IL17D: variants seen among roughly 807,000 people sequenced by gnomAD.
IL17D encodes interleukin-17D.
Under a neutral mutation model 5.7 loss-of-function variants are expected in IL17D, and 10 were observed. The observed-to-expected ratio is 1.75, with a 90% CI of 1.08 to 2.97. IL17D has a LOEUF of 2.97. Among genes scored for constraint, IL17D ranks in the 30% most tolerant of loss-of-function variants. IL17D has a pLI of 0.00. For synonymous variants in IL17D, 172 were observed against 141.7 expected (o/e 1.21, Z -1.52); for missense variants, 354 against 292.7 (o/e 1.21, Z -1.53).
upstream of IL17D, chr13:20,702,862 A>G (rs2058555836): frequency 6.6e-6 from 1 of 152,246 alleles, no homozygotes; most frequent in South Asian, 2.1e-4. Flanking sequence ...TTAAAAATAG[A>G]GATTTAAAAA....
chr13:20,707,832 G>T (rs2058602367), intron 1 of IL17D, among the ~76,000 whole-genome samples: 1 of 152,176 alleles, frequency 6.6e-6, no homozygotes, highest in South Asian at 2.1e-4. Flanking sequence ...GCCAGGGCTT[G>T]TTCCTTGGTG....
At chr13:20,720,723 A>G (rs535998284) in intron 1 of IL17D, among the ~76,000 whole-genome samples, 2 of 152,070 alleles carry the variant, frequency 1.3e-5, no homozygotes, top group African/African-American at 2.4e-5. Context: ...CCCCACATTC[A>G]AACAGTGGAC....
intron 1 of IL17D, among the ~76,000 whole-genome samples, chr13:20,721,173 C>T (rs919009142): frequency 2.6e-4 from 39 of 152,146 alleles, no homozygotes; most frequent in Non-Finnish European, 5.1e-4. Flanking sequence ...ACTGTCCGCC[C>T]CCAGCCCCTC....
At position 20,703,984 on chromosome 13, in the gene IL17D, C is replaced by T; in HGVS notation, c.-18C>T. The T allele has an allele frequency of 5.9e-6, 6 of 1,008,942 alleles. No individual in the cohort carries two copies. The highest frequency in any genetic ancestry group is 7.1e-6 in the Non-Finnish European group (6 of 847,212). 62.5% of individuals were successfully genotyped at this position (1,008,942 alleles called of 1,614,324 possible). ...CGGCGCGTGCGGACGCTGAGCGTGGCCTGTCCCTCAGGTCTGGATGCTGGT... is the reference window on the plus strand; with the variant it reads ...CGGCGCGTGCGGACGCTGAGCGTGGTCTGTCCCTCAGGTCTGGATGCTGGT... On this transcript the variant is annotated 5_prime_UTR_variant, in exon 1 of 2. Coordinates refer to ENST00000682841, the MANE Select transcript of IL17D (RefSeq NM_001385224.1).
Position 20,710,628 on chromosome 13 carries a change from TAAAAAAA to T in IL17D, c.290+6355_290+6361del, listed in dbSNP as rs11445353. 4.5e-4 allele frequency among the ~76,000 whole-genome samples: 25 copies of T among 55,292 alleles called. No homozygotes were observed. The East Asian group carries it at 0.014, about 30-fold the overall frequency. The allele number at this position is 55,292 out of a possible 152,430, so 36.3% of individuals were successfully genotyped here. A position where few individuals can be genotyped will look rare whatever the true frequency, so the allele number is the denominator to read the frequency against. ...TGGGCAACAAAAGCAAAACTCTGTC[TAAAAAAA>T]AAAAAAAAAAAAAAAAAGAAACCCC... On this transcript the variant is annotated intron_variant, in intron 1 of 1. Coordinates refer to ENST00000682841, the MANE Select transcript of IL17D (RefSeq NM_001385224.1).
chr13:20,720,257 C>A (rs1157073769), intron 1 of IL17D, among the ~76,000 whole-genome samples: 1 of 152,182 alleles, frequency 6.6e-6, no homozygotes, highest in Admixed American at 6.5e-5. Context: ...TATTTAACCA[C>A]CATCTATCGG....
Position 20,722,367 on chromosome 13 carries a change from T to G in IL17D, c.*413T>G. The G allele has an allele frequency of 5.8e-6, 1 of 170,948 alleles. No homozygotes were observed. The allele number at this position is 170,948 out of a possible 1,614,324, so 10.6% of individuals were successfully genotyped here. ...AGCAATCTAAAAATAATAATAAGTA[T>G]AGCGACTATATACCTACTTTTAAAA... On this transcript the variant is annotated 3_prime_UTR_variant, in exon 2 of 2. Transcript: ENST00000682841.
chr13:20,710,407 AG>A (rs1323084154), intron 1 of IL17D, among the ~76,000 whole-genome samples: 2 of 147,392 alleles, frequency 1.4e-5, no homozygotes, highest in Non-Finnish European at 3.0e-5. Context: ...TGAGGTCAGG[AG>A]TTCAAGACCA....
At chr13:20,719,907 C>T (rs918706288) in intron 1 of IL17D, among the ~76,000 whole-genome samples, 2 of 152,208 alleles carry the variant, frequency 1.3e-5, no homozygotes, top group South Asian at 4.1e-4. Context: ...CAGGTGTGGG[C>T]CCAGCCAGGA....
At chr13:20,718,372 TCA>T (rs2058695351) in intron 1 of IL17D, among the ~76,000 whole-genome samples, 1 of 151,660 alleles carries the variant, frequency 6.6e-6, no homozygotes, top group Non-Finnish European at 1.5e-5. Context: ...ATGCCCACGC[TCA>T]CACGCACCTG....
chr13:20,718,347 C>G (rs1198318753), intron 1 of IL17D, among the ~76,000 whole-genome samples: 1 of 152,132 alleles, frequency 6.6e-6, no homozygotes, highest in African/African-American at 2.4e-5. Context: ...TCCATGCTTA[C>G]ACACACGCCC....
intron 1 of IL17D, chr13:20,713,102 G>C (rs1296434761): frequency 6.6e-6 from 1 of 152,026 alleles, no homozygotes; most frequent in East Asian, 1.9e-4. Context: ...CCTTCACGGA[G>C]TCTCTGCACA....
Position 20,721,927 on chromosome 13 carries a change from C to T in IL17D, c.582C>T (p.Gly194=), listed in dbSNP as rs1377857044. The T allele has an allele frequency of 6.2e-7, 1 of 1,600,406 alleles. No homozygotes were observed. The highest frequency in any genetic ancestry group is 8.5e-7 in the Non-Finnish European group (1 of 1,176,134). Residue 194 remains glycine, a synonymous_variant, in exon 2 of 2, where the codon GGC becomes GGT. Coordinates refer to ENST00000682841, the MANE Select transcript of IL17D (RefSeq NM_001385224.1). ...AACAGGGCGCCAAGCTCCTGCTGGG[C>T]CCCAACGACGCGCCCGCTGGCCCCT... The part of the protein sequence containing the change: ...IDKQGAKLLL[G]PNDAPAGP
chr13:20,704,197 G>C lies in IL17D; in HGVS notation c.196G>C (p.Ala66Pro), dbSNP rs1013212105. 5.1e-6 allele frequency: 7 copies of C among 1,372,082 alleles called. No homozygotes were observed. In the African/African-American group the frequency reaches 1.1e-4, roughly 21 times the overall value. 85.0% of individuals were successfully genotyped at this position (1,372,082 alleles called of 1,614,324 possible). A position where few individuals can be genotyped will look rare whatever the true frequency, so the allele number is the denominator to read the frequency against. ...HTLQLGPREQ[A>P]RNASCPAGGR... is the part of the protein sequence containing the mutation. Reference sequence around the variant, plus strand: ...GCTGCAGCTGGGGCCGCGTGAGCAGGCGCGCAACGCGAGCTGCCCGGCAGG... The same window carrying C: ...GCTGCAGCTGGGGCCGCGTGAGCAGCCGCGCAACGCGAGCTGCCCGGCAGG... Residue 66 changes from alanine to proline, a missense_variant, in exon 1 of 2, where the codon GCG becomes CCG. Ala to Pro is a conservative substitution (Grantham distance 27). Transcript: ENST00000682841.
In IL17D at chr13:20,716,442, T is replaced by C. The variant is rs1191793341; in HGVS notation, c.291-5194T>C. 6.6e-6 allele frequency among the ~76,000 whole-genome samples: 1 copy of C among 152,236 alleles called. No individual in the cohort carries two copies. Among genetic ancestry groups the C allele is most frequent in the Non-Finnish European group, 1.5e-5 (1 of 68,052 alleles). ...ATTTTCCAAGACCTTAGAGACTCAA[T>C]GTATTGCCAGTGTCTTTTCTAAGCA... On this transcript the variant is annotated intron_variant, in intron 1 of 1. Transcript: ENST00000682841. This position sits in a 1 kb window ranked among gnomAD's most constrained non-coding sequence, Gnocchi z 4.2.
chr13:20,721,166 G>C (rs1016843782), intron 1 of IL17D, among the ~76,000 whole-genome samples: 2 of 152,024 alleles, frequency 1.3e-5, no homozygotes, highest in Non-Finnish European at 2.9e-5. Context: ...AGTCAGCACT[G>C]TCCGCCCCCA....
intron 1 of IL17D, among the ~76,000 whole-genome samples, chr13:20,710,502 G>T (rs1367357735): frequency 6.8e-6 from 1 of 148,046 alleles, no homozygotes; most frequent in Non-Finnish European, 1.5e-5. Context: ...GGTGGCACAT[G>T]CCTGTAATCC....
upstream of IL17D, chr13:20,703,310 T>C (rs951334709): frequency 5.1e-6 from 5 of 986,518 alleles, no homozygotes; most frequent in East Asian, 1.1e-4. Flanking sequence ...GAGAAGATGT[T>C]GGGGGCACTG....
intron 1 of IL17D, among the ~76,000 whole-genome samples, chr13:20,707,310 C>A (rs962058157): frequency 6.6e-6 from 1 of 151,784 alleles, no homozygotes; most frequent in African/African-American, 2.4e-5. Context: ...ACAAAAAAAA[C>A]AGCCAGGTGT....
Sources: allele counts gnomAD v4.1 joint callset (sites outside exome capture counted in the v4.1 genomes callset), GRCh38; gene constraint gnomAD v4.1.1; non-coding constraint Gnocchi (gnomAD v3.1); transcripts MANE v1.5; gene names NCBI Gene and HGNC (gene_info 2026-07-23, HGNC 2026-07-21).